The following PDZRN4 variants were observed in gnomAD, a reference collection of about 807,000 sequenced individuals.
PDZRN4 encodes PDZ domain-containing RING finger protein 4.
A neutral mutation model predicts 99.0 loss-of-function variants in PDZRN4; 70 were observed. The ratio of observed to expected loss-of-function variants is 0.71; its 90% confidence interval spans 0.58 to 0.86. The LOEUF (loss-of-function observed/expected upper bound fraction) is 0.86, where lower values mean the gene tolerates loss of function less well. PDZRN4 is among the 40% of genes least tolerant of loss of function. PDZRN4 has a pLI of 0.00. For missense variants in PDZRN4, 1,474 were observed against 1,331.2 expected, an observed-to-expected ratio of 1.11 and a Z score of -1.67; for synonymous variants, 551 against 501.6, an observed-to-expected ratio of 1.10 and a Z score of -1.32.
intron 3 of PDZRN4, among the ~76,000 whole-genome samples, chr12:41,253,965 G>T (rs1350558906): frequency 6.6e-6 from 1 of 151,828 alleles, no homozygotes; most frequent in Non-Finnish European, 1.5e-5. Flanking sequence ...ATAGATTCCT[G>T]GCCACTAGAG....
At position 41,194,001 on chromosome 12, in the gene PDZRN4, T is replaced by A. The variant is rs192518074; in HGVS notation, c.736-80T>A. 99 of 694,356 alleles carry A rather than the reference T, an allele frequency of 1.4e-4. 1 individual carries two copies. In the East Asian group the frequency reaches 2.4e-3, roughly 17 times the overall value. The allele number at this position is 694,356 out of a possible 1,614,324, so 43.0% of individuals were successfully genotyped here. ...TTGCAGGTTTACAGAGGATTGGTAA[T>A]GTTACATTTGGTAAATTGTCCCTAA... On this transcript the variant is annotated intron_variant, in intron 2 of 9. Coordinates refer to ENST00000402685, the MANE Select transcript of PDZRN4 (RefSeq NM_001164595.2).
intron 3 of PDZRN4, among the ~76,000 whole-genome samples, chr12:41,347,353 G>A (rs1592022062): frequency 6.6e-6 from 1 of 152,120 alleles, no homozygotes; most frequent in East Asian, 1.9e-4. Context: ...GGTATGAAGT[G>A]GTATCTCATT....
chr12:41,410,414 G>T (rs1952388396), intron 3 of PDZRN4, among the ~76,000 whole-genome samples: 1 of 152,164 alleles, frequency 6.6e-6, no homozygotes, highest in African/African-American at 2.4e-5. Flanking sequence ...GCATAAGTCT[G>T]CCTTTAAATA....
intron 5 of PDZRN4, among the ~76,000 whole-genome samples, chr12:41,541,192 C>T (rs972555670): frequency 1.3e-5 from 2 of 151,744 alleles, no homozygotes; most frequent in Admixed American, 1.3e-4. Context: ...GGCCTTCCAA[C>T]GTGCTGGGAA....
chr12:41,502,431 C>G (rs968587237), intron 3 of PDZRN4, among the ~76,000 whole-genome samples: 16 of 152,140 alleles, frequency 1.1e-4, no homozygotes, highest in African/African-American at 3.9e-4. Context: ...TCAAATTGCT[C>G]TTTCTTAAAA....
At chr12:41,378,990 G>T (rs1243801116) in intron 3 of PDZRN4, among the ~76,000 whole-genome samples, 3 of 152,126 alleles carry the variant, frequency 2.0e-5, no homozygotes, top group Non-Finnish European at 4.4e-5. Context: ...GTTTTTCAAA[G>T]GTGCTATATG....
At chr12:41,554,729 A>G (rs1287815828) in intron 6 of PDZRN4, among the ~76,000 whole-genome samples, 3 of 152,144 alleles carry the variant, frequency 2.0e-5, no homozygotes, top group African/African-American at 4.8e-5. Flanking sequence ...ATATCTATAC[A>G]TTCTAAAATA....
intron 3 of PDZRN4, among the ~76,000 whole-genome samples, chr12:41,494,865 T>C (rs1328912742): frequency 1.3e-5 from 2 of 152,162 alleles, no homozygotes; most frequent in Non-Finnish European, 2.9e-5. Context: ...CACCTGCTTC[T>C]CCTAGGAAAC....
chr12:41,246,300 A>G (rs1372211035), intron 3 of PDZRN4, among the ~76,000 whole-genome samples: 1 of 152,196 alleles, frequency 6.6e-6, no homozygotes, highest in Non-Finnish European at 1.5e-5. Context: ...CAGTTAATTG[A>G]CAGGGTATTT....
intron 3 of PDZRN4, among the ~76,000 whole-genome samples, chr12:41,441,967 G>A (rs773019258): frequency 2.6e-5 from 4 of 151,978 alleles, no homozygotes; most frequent in South Asian, 2.1e-4. Flanking sequence ...CTCTGATACC[G>A]TAAGAATTTT....
At chr12:41,341,789 A>C (rs2121016194) in intron 3 of PDZRN4, among the ~76,000 whole-genome samples, 1 of 151,990 alleles carries the variant, frequency 6.6e-6, no homozygotes, top group South Asian at 2.1e-4. Flanking sequence ...GTGATCTACA[A>C]GTTTAATGCA....
chr12:41,371,719 G>A (rs372015727), intron 3 of PDZRN4, among the ~76,000 whole-genome samples: 13 of 152,078 alleles, frequency 8.5e-5, no homozygotes, highest in African/African-American at 3.1e-4. Context: ...AACTTGCTAT[G>A]TACTTAAAAA....
At chr12:41,559,862 T>C (rs1939237522) in intron 7 of PDZRN4, among the ~76,000 whole-genome samples, 1 of 152,132 alleles carries the variant, frequency 6.6e-6, no homozygotes, top group East Asian at 1.9e-4. Context: ...TCTTTCAAGA[T>C]CTGATGGTTT....
intron 3 of PDZRN4, among the ~76,000 whole-genome samples, chr12:41,210,496 C>T (rs903683851): frequency 6.6e-6 from 1 of 151,890 alleles, no homozygotes; most frequent in African/African-American, 2.4e-5. Flanking sequence ...TTAAATTTTA[C>T]AACTGTTTTA....
At chr12:41,204,668 C>T (rs969281859) in intron 3 of PDZRN4, among the ~76,000 whole-genome samples, 24 of 152,122 alleles carry the variant, frequency 1.6e-4, no homozygotes, top group African/African-American at 3.6e-4. Context: ...CTCACTATCA[C>T]GAAAAAGCAT....
chr12:41,349,402 G>T (rs73272698), intron 3 of PDZRN4, among the ~76,000 whole-genome samples: 1,857 of 151,634 alleles, frequency 0.012, 42 homozygotes, highest in African/African-American at 0.041. Context: ...TATAGTTAAA[G>T]CTTATAGTCA....
In PDZRN4 at chr12:41,389,775, C is replaced by T. The variant is rs149752281; in HGVS notation, c.844-116681C>T. Among the ~76,000 whole-genome samples, 5 of 152,314 alleles carry T rather than the reference C, an allele frequency of 3.3e-5. No individual in the cohort carries two copies. In the East Asian group the frequency reaches 9.6e-4, roughly 29 times the overall value. On this transcript the variant is annotated intron_variant, in intron 3 of 9. Transcript: ENST00000402685. ...CCTCCAGCTCTCCTTTGCTATTGCC[C>T]TTCGTGCTGGGCACAAAGAGGTCAA...
chr12:41,284,781 G>A (rs1272201211), intron 3 of PDZRN4, among the ~76,000 whole-genome samples: 1 of 152,118 alleles, frequency 6.6e-6, no homozygotes, highest in Non-Finnish European at 1.5e-5. Context: ...TTAATAAATA[G>A]TGTTGGGAAA....
intron 3 of PDZRN4, among the ~76,000 whole-genome samples, chr12:41,403,065 T>C (rs550914843): frequency 2.0e-5 from 3 of 152,072 alleles, no homozygotes; most frequent in Admixed American, 6.6e-5. Flanking sequence ...ATAATAACTT[T>C]TAAAAATTCA....
Sources: gnomAD v4.1 joint callset for allele counts (sites outside exome capture counted in the v4.1 genomes callset) on GRCh38, gnomAD v4.1.1 for gene constraint, MANE v1.5 for transcripts, NCBI Gene and HGNC (gene_info 2026-07-23, HGNC 2026-07-21) for gene names.